The following ADCY10 variants were observed in gnomAD, a reference collection of about 807,000 sequenced individuals.
ADCY10 encodes the protein adenylate cyclase 10.
ADCY10 carries 156 observed loss-of-function variants against 183.3 expected under a neutral mutation model. The ratio of observed to expected loss-of-function variants is 0.85; its 90% CI spans 0.75 to 0.97. The LOEUF is 0.97. Ranked by LOEUF, ADCY10 falls within the 50% of genes least tolerant of loss-of-function variation. The pLI, the probability that ADCY10 is intolerant of heterozygous loss-of-function variation, is 0.00. For synonymous variants in ADCY10, 645 were observed against 670.0 expected (o/e 0.96, Z 0.58); for missense variants, 1,745 against 1,934.3 (o/e 0.90, Z 1.84).
chr1:167,826,382 A>T (rs557076475), intron 26 of ADCY10, among the ~76,000 whole-genome samples: 21 of 152,354 alleles, frequency 1.4e-4, no homozygotes, highest in African/African-American at 4.8e-4. Context: ...GTCACACTGC[A>T]GATAGGCGGA....
rs754434978 is a variant in ADCY10 at position 167,878,470 on chromosome 1, T to C, written c.1382A>G (p.Gln461Arg). 1.2e-6 allele frequency: 2 copies of C among 1,614,134 alleles called. No individual in the cohort carries two copies. Among genetic ancestry groups the C allele is most frequent in the East Asian group, 2.2e-5 (1 of 44,888 alleles). The change falls in exon 12 of 33, where the codon CAG becomes CGG. Residue 461 changes from glutamine (Q) to arginine (R), a missense_variant. Transcript: ENST00000367851. The stretch of plus-strand genomic sequence containing the variant: ...CACTTTCTCAGTACGGCCCCAATAC[T>C]GATACAATGGTCCAGAATCTGCAAC... The part of the protein sequence containing the change: ...KGVADSGPLY[Q>R]YWGRTEKVMF...
chr1:167,854,839 GGAGA>G (rs368154978), intron 17 of ADCY10, among the ~76,000 whole-genome samples: 6 of 151,342 alleles, frequency 4.0e-5, no homozygotes, highest in African/African-American at 1.5e-4. Context: ...AGAGAGAGGG[GGAGA>G]GAGAGAGAGA....
Position 167,880,487 on chromosome 1 carries a change from T to C in ADCY10, c.1139+4A>G. The C allele has an allele frequency of 6.2e-7, 1 of 1,605,982 alleles. No homozygotes were observed. On this transcript the variant is annotated splice_donor_region_variant and intron_variant, in intron 10 of 32. Transcript: ENST00000367851. ...CGCTGGGTGGGACCAGGGTCAATAC[T>C]CACTGGATTTTGTGGACTTGAGAGC...
Position 167,845,785 on chromosome 1 carries a change from A to G in ADCY10, c.2785T>C (p.Cys929Arg). The G allele has an allele frequency of 6.2e-7, 1 of 1,614,232 alleles. No homozygotes were observed. Residue 929 changes from cysteine (C) to arginine (R), a missense_variant, in exon 21 of 33, where the codon TGT becomes CGT. By Grantham distance (180) the Cys-to-Arg change is radical (BLOSUM62 -3). Transcript: ENST00000367851. ...EVIECHRIRF[C>R]NPMMQKTAYE... is the part of the protein sequence containing the mutation. The stretch of plus-strand genomic sequence containing the variant: ...GCTGTTTTCTGCATCATAGGGTTAC[A>G]GAATCGAATCCTGTGGCACTCGATC...
chr1:167,905,111 G>T lies in ADCY10; in HGVS notation c.30C>A (p.Asp10Glu), dbSNP rs1669723969. Residue 10 changes from aspartate (D) to glutamate (E), a missense_variant, in exon 2 of 33, where the codon GAC (aspartate) becomes GAA (glutamate). Coordinates refer to ENST00000367851, the MANE Select transcript of ADCY10 (RefSeq NM_018417.6). Reference protein sequence around the residue: MNTPKEEFQDWPIVRIAAHL... With the variant: MNTPKEEFQEWPIVRIAAHL... ...GAGCTGCTATTCTGACTATGGGCCA[G>T]TCCTGGAATTCTTCTTTTGGAGTGT... The T allele has an allele frequency of 6.2e-7, 1 of 1,614,096 alleles. No individual in the cohort carries two copies. Among genetic ancestry groups the T allele is most frequent in the African/African-American group, 1.3e-5 (1 of 74,926 alleles).
Position 167,810,823 on chromosome 1 carries a change from C to T in ADCY10, c.4573G>A (p.Gly1525Arg), listed in dbSNP as rs1662155517. 6.2e-7 allele frequency: 1 copy of T among 1,614,022 alleles called. No homozygotes were observed. The highest frequency in any genetic ancestry group is 8.5e-7 in the Non-Finnish European group (1 of 1,180,030). Residue 1525 changes from glycine to arginine, a missense_variant, in exon 32 of 33, where the codon GGA (glycine) becomes AGA (arginine). By Grantham distance (125) the Gly-to-Arg change is moderately radical. Transcript: ENST00000367851. ...AAGAGGCCACATTTCTGCCCATCTCCCATTAATATACAGACGTAAGCCATC... is the reference window on the plus strand; with the variant it reads ...AAGAGGCCACATTTCTGCCCATCTCTCATTAATATACAGACGTAAGCCATC... ...HLMAYVCILM[G>R]DGQKCGLFLN...
chr1:167,823,162 G>C, intron 28 of ADCY10, 39 bp from the exon 29 acceptor site: 2 of 1,573,494 alleles, frequency 1.3e-6, no homozygotes, highest in Non-Finnish European at 1.7e-6. Flanking sequence ...AAAAAGTGGT[G>C]GATATTGTAA....
chr1:167,893,523 G>A (rs1668739648), intron 8 of ADCY10, among the ~76,000 whole-genome samples: 1 of 151,782 alleles, frequency 6.6e-6, no homozygotes, highest in Non-Finnish European at 1.5e-5. Flanking sequence ...GATCAGTCAG[G>A]CCAACATGGT....
intron 8 of ADCY10, among the ~76,000 whole-genome samples, chr1:167,886,144 T>C (rs1668209072): frequency 6.6e-6 from 1 of 152,174 alleles, no homozygotes; most frequent in Non-Finnish European, 1.5e-5. Context: ...ATAGATTCCA[T>C]GCCATCCCCA....
At chr1:167,829,492 G>C in intron 25 of ADCY10, 69 bp from the exon 26 acceptor site, 1 of 1,579,578 alleles carries the variant, frequency 6.3e-7, no homozygotes, top group Non-Finnish European at 8.7e-7. Context: ...GGGGAGCACA[G>C]GTACATGGTG....
rs1669737207 is a variant in ADCY10, at chr1:167,905,306, G to A, written c.-58-108C>T. On this transcript the variant is annotated intron_variant, in intron 1 of 32. Transcript: ENST00000367851. ...TAACCTGCGGCCTGCTTATAGTGGT[G>A]AAAATGCCAGAGTTGTTGAGCCACA... The A allele has an allele frequency of 4.8e-6, 4 of 840,038 alleles. No individual in the cohort carries two copies. The Admixed American group carries it at 8.4e-5, about 18-fold the overall frequency. 52.0% of individuals were successfully genotyped at this position (840,038 alleles called of 1,614,324 possible).
At chr1:167,832,890 C>T in intron 25 of ADCY10, 97 bp downstream of exon 25, 1 of 1,322,624 alleles carries the variant, frequency 7.6e-7, no homozygotes, top group Non-Finnish European at 1.1e-6. Context: ...TCCTTGTGCC[C>T]CCTGGAGGCC....
rs539820019 is a variant in ADCY10 at position 167,833,744 on chromosome 1, CAA to C, written c.3417+224_3417+225del. ...TGGGCAACACAGCAAGACTCCCTCT[CAA>C]AAAAAAAAAAAAAAAAAGATGTAAA... On this transcript the variant is annotated intron_variant, in intron 24 of 32. Coordinates refer to ENST00000367851, the MANE Select transcript of ADCY10 (RefSeq NM_018417.6). Among the ~76,000 whole-genome samples, 917 of 98,342 alleles carry C rather than the reference CAA, an allele frequency of 9.3e-3. 6 individuals are homozygous for C. The highest frequency in any genetic ancestry group is 0.025 in the African/African-American group (725 of 29,452). 64.5% of individuals were successfully genotyped at this position (98,342 alleles called of 152,430 possible). A position where few individuals can be genotyped will look rare whatever the true frequency, so the allele number is the denominator to read the frequency against.
chr1:167,892,733 A>G (rs2102349705), intron 8 of ADCY10, among the ~76,000 whole-genome samples: 1 of 152,324 alleles, frequency 6.6e-6, no homozygotes. Context: ...CTATGAAGGC[A>G]GCTACCCACT....
chr1:167,870,285 C>A lies in ADCY10; in HGVS notation c.1588G>T (p.Glu530Ter). The A allele has an allele frequency of 6.2e-7, 1 of 1,614,036 alleles. No individual in the cohort carries two copies. The highest frequency in any genetic ancestry group is 1.7e-4 in the Middle Eastern group (1 of 6,060). Residue 530 changes from glutamate to a stop codon, truncating the protein, a stop_gained, in exon 14 of 33, where the codon GAG becomes TAG. Transcript: ENST00000367851. LOFTEE classifies it high-confidence loss of function. ...YGKSQILMKI[E>*]YLAQGKNHRI... ...TGATTCTTACCTTGGGCCAGGTACT[C>A]AATTTTCATAAGTATCTGGCTTTTT...
intron 25 of ADCY10, 138 bp downstream of exon 25, chr1:167,832,849 T>C: frequency 1.2e-6 from 1 of 862,980 alleles, no homozygotes; most frequent in Non-Finnish European, 1.8e-6. Flanking sequence ...ACTCGCCCCC[T>C]CCCCAGTGAA....
chr1:167,817,061 T>C (rs1662575410), intron 31 of ADCY10, among the ~76,000 whole-genome samples: 1 of 151,980 alleles, frequency 6.6e-6, no homozygotes, highest in Non-Finnish European at 1.5e-5. Context: ...AAACTGTGAG[T>C]TAAGAAGTGG....
chr1:167,829,290 G>A lies in ADCY10; in HGVS notation c.3727C>T (p.Leu1243=). Residue 1243 remains leucine (L), a synonymous_variant, in exon 26 of 33, where the codon CTG becomes TTG. Coordinates refer to ENST00000367851, the MANE Select transcript of ADCY10 (RefSeq NM_018417.6). Reference sequence around the variant, plus strand: ...ACCTGGAAACAATTTTGAGTTTCCAGTGCAGTATTCATTTGCATCATAACT... The same window carrying A: ...ACCTGGAAACAATTTTGAGTTTCCAATGCAGTATTCATTTGCATCATAACT... ...LAVMMQMNTA[L]ETQNCFQIIK... The A allele has an allele frequency of 6.2e-7, 1 of 1,614,044 alleles. No homozygotes were observed.
intron 2 of ADCY10, 90 bp from the exon 3 acceptor site, chr1:167,904,081 G>GATTTTTTT: frequency 2.0e-6 from 1 of 501,784 alleles, no homozygotes; most frequent in Non-Finnish European, 3.4e-6. Flanking sequence ...GCGGGCCTCA[G>GATTTTTTT]CTTTTTTTTT....
Sources: gnomAD v4.1 joint callset for allele counts (sites outside exome capture counted in the v4.1 genomes callset) on GRCh38, gnomAD v4.1.1 for gene constraint, MANE v1.5 for transcripts, NCBI Gene and HGNC (gene_info 2026-07-23, HGNC 2026-07-21) for gene names.